The following BCKDHB variants were observed in gnomAD, a reference collection of about 807,000 sequenced individuals.
BCKDHB encodes 2-oxoisovalerate dehydrogenase subunit beta, mitochondrial.
In BCKDHB, 41 loss-of-function variants were observed where a neutral mutation model predicts 48.5. The observed-to-expected ratio is 0.85, with a 90% CI of 0.66 to 1.10. The LOEUF is 1.10. Among genes scored for constraint, BCKDHB ranks in the 50% least tolerant of loss-of-function variants. The pLI is 0.00. For synonymous variants in BCKDHB, 201 were observed against 174.8 expected, an observed-to-expected ratio of 1.15 and a Z score of -1.18; for missense variants, 496 against 494.2, an observed-to-expected ratio of 1.00 and a Z score of -0.03.
At chr6:80,337,451 A>C (rs776454692) in intron 9 of BCKDHB, among the ~76,000 whole-genome samples, 1 of 152,126 alleles carries the variant, frequency 6.6e-6, no homozygotes, top group East Asian at 1.9e-4. Context: ...TAATTTAATA[A>C]TTAAGGACTA....
At chr6:80,236,100 A>C (rs374441510) in intron 8 of BCKDHB, among the ~76,000 whole-genome samples, 8 of 152,210 alleles carry the variant, frequency 5.3e-5, no homozygotes, top group African/African-American at 1.7e-4. Context: ...TTCTATTAAA[A>C]ACAATTGTTC....
Position 80,169,013 on chromosome 6 carries a change from C to T in BCKDHB, c.616C>T (p.His206Tyr), listed in dbSNP as rs121965004. The stretch of plus-strand genomic sequence containing the variant: ...TCAGAGTCCTGAAGCATTTTTTGCC[C>T]ATTGCCCAGGAATCAAGGTATGTTC... ...HSQSPEAFFAHCPGIKVVIPR... is the reference protein window; with the variant it reads ...HSQSPEAFFAYCPGIKVVIPR... The change falls in exon 5 of 10, where the codon CAT becomes TAT. Residue 206 changes from histidine to tyrosine, a missense_variant. Transcript: ENST00000320393. 2.5e-6 allele frequency: 4 copies of T among 1,614,078 alleles called. No homozygotes were observed. In the East Asian group the frequency reaches 6.7e-5, roughly 27 times the overall value.
the BCKDHB span, chr6:80,454,043 G>T: frequency 6.6e-6 from 1 of 152,126 alleles, no homozygotes; most frequent in Non-Finnish European, 1.5e-5. Context: ...ACATGCTATG[G>T]TATGGATTCT....
At chr6:80,192,733 G>A (rs954193035) in intron 6 of BCKDHB, among the ~76,000 whole-genome samples, 4 of 152,098 alleles carry the variant, frequency 2.6e-5, no homozygotes, top group African/African-American at 9.7e-5. Context: ...AAATGAGACA[G>A]GGAAATGTAA....
At position 80,114,235 on chromosome 6, in the gene BCKDHB, G is replaced by A. The variant is rs200488261; in HGVS notation, c.196+7346G>A. Among the ~76,000 whole-genome samples, 4 of 151,654 alleles carry A rather than the reference G, an allele frequency of 2.6e-5. No homozygotes were observed. The East Asian group carries it at 5.8e-4, about 22-fold the overall frequency. On this transcript the variant is annotated intron_variant, in intron 1 of 9. Coordinates refer to ENST00000320393, the MANE Select transcript of BCKDHB (RefSeq NM_183050.4). ...ATGGCAAGCTCTGGAATAGAATATA[G>A]TAGTGCTAGATTTTTTTTTTTTTTT...
chr6:80,170,020 C>T (rs1772823915), intron 5 of BCKDHB: 8 of 1,063,862 alleles, frequency 7.5e-6, no homozygotes, highest in Non-Finnish European at 9.7e-6. Flanking sequence ...TTTCCTCCTT[C>T]ATTTTCTTTC....
the BCKDHB span, among the ~76,000 whole-genome samples, chr6:80,398,781 A>G: frequency 1.3e-5 from 2 of 152,090 alleles, no homozygotes; most frequent in African/African-American, 2.4e-5. Context: ...TGGCAGAGAT[A>G]CAAAAACAAC....
At chr6:80,285,328 T>C (rs1315021981) in intron 9 of BCKDHB, among the ~76,000 whole-genome samples, 2 of 152,204 alleles carry the variant, frequency 1.3e-5, no homozygotes, top group African/African-American at 4.8e-5. Context: ...GTTGATAAAA[T>C]AGTCTTCTAA....
the BCKDHB span, among the ~76,000 whole-genome samples, chr6:80,452,065 C>T: frequency 6.6e-6 from 1 of 152,182 alleles, no homozygotes; most frequent in African/African-American, 2.4e-5. Flanking sequence ...CATGTGTCTT[C>T]TTCTGAACCC....
chr6:80,162,837 G>A (rs1582262802), intron 3 of BCKDHB, among the ~76,000 whole-genome samples: 1 of 152,024 alleles, frequency 6.6e-6, no homozygotes, highest in African/African-American at 2.4e-5. Flanking sequence ...GTGACAGAGC[G>A]AGACTACATC....
chr6:80,348,208 G>A (rs1485603800), downstream of BCKDHB, among the ~76,000 whole-genome samples: 2 of 141,936 alleles, frequency 1.4e-5, no homozygotes, highest in African/African-American at 5.8e-5. Context: ...AAAGTTCTGT[G>A]TATATTTAAA....
chr6:80,399,452 C>CAAGAA, the BCKDHB span, among the ~76,000 whole-genome samples: 2 of 151,986 alleles, frequency 1.3e-5, no homozygotes, highest in African/African-American at 4.8e-5. Flanking sequence ...TAAACAAACA[C>CAAGAA]AAGAATCAAG....
intron 8 of BCKDHB, among the ~76,000 whole-genome samples, chr6:80,248,753 A>G (rs955274546): frequency 9.2e-5 from 14 of 152,276 alleles, no homozygotes; most frequent in Non-Finnish European, 2.9e-5. Flanking sequence ...CAAGTGGCAG[A>G]TCTAGGTATC....
chr6:80,234,846 A>T (rs1439798575), intron 8 of BCKDHB, among the ~76,000 whole-genome samples: 5 of 144,216 alleles, frequency 3.5e-5, no homozygotes, highest in African/African-American at 1.3e-4. Flanking sequence ...TATATATATT[A>T]GACTATTATT....
intron 9 of BCKDHB, among the ~76,000 whole-genome samples, chr6:80,320,063 A>T (rs986930034): frequency 6.6e-6 from 1 of 152,196 alleles, no homozygotes; most frequent in African/African-American, 2.4e-5. Context: ...AAATGAAAGC[A>T]TGTATTCAGC....
intron 9 of BCKDHB, chr6:80,307,384 A>G (rs1286244763): frequency 5.2e-6 from 5 of 964,818 alleles, no homozygotes; most frequent in Non-Finnish European, 6.2e-6. Flanking sequence ...TCTTTTTTCC[A>G]TATTCTAAAA....
chr6:80,403,464 A>G, the BCKDHB span, among the ~76,000 whole-genome samples: 1 of 151,832 alleles, frequency 6.6e-6, no homozygotes, highest in East Asian at 1.9e-4. Context: ...TCACTCATTT[A>G]AAATAGTTTT....
At chr6:80,240,358 C>T (rs1776329423) in intron 8 of BCKDHB, among the ~76,000 whole-genome samples, 1 of 152,046 alleles carries the variant, frequency 6.6e-6, no homozygotes, top group Non-Finnish European at 1.5e-5. Flanking sequence ...GAAGAGTTCT[C>T]CTCTTCAAGG....
chr6:80,311,787 GTC>G (rs1768178014), intron 9 of BCKDHB, among the ~76,000 whole-genome samples: 1 of 152,106 alleles, frequency 6.6e-6, no homozygotes, highest in African/African-American at 2.4e-5. Flanking sequence ...TGTTCTGTGT[GTC>G]TGTTTTTCTA....
Sources: allele counts gnomAD v4.1 joint callset (sites outside exome capture counted in the v4.1 genomes callset), GRCh38; gene constraint gnomAD v4.1.1; transcripts MANE v1.5; gene names NCBI Gene and HGNC (gene_info 2026-07-23, HGNC 2026-07-21).